KAZN: variants seen among roughly 807,000 people sequenced by gnomAD.
KAZN encodes kazrin.
Under a neutral mutation model 87.4 loss-of-function variants are expected in KAZN, and 40 were observed. The observed-to-expected ratio is 0.46, with a 90% confidence interval of 0.36 to 0.60. The LOEUF (loss-of-function observed/expected upper bound fraction) is 0.60. KAZN is among the 20% of genes least tolerant of loss of function. KAZN has a pLI of 0.00. For missense variants in KAZN, 898 were observed against 1,073.9 expected (o/e 0.84, Z 2.29); for synonymous variants, 466 against 458.3 (o/e 1.02, Z -0.22).
intron 1 of KAZN, among the ~76,000 whole-genome samples, chr1:14,851,629 T>C (rs1335663493): frequency 6.6e-6 from 1 of 152,228 alleles, no homozygotes; most frequent in Non-Finnish European, 1.5e-5. Context: ...GTTACCATGC[T>C]GGGGCACCTG....
chr1:14,883,407 G>GAAAGAAAGAAAGAAAGAAAA (rs1653686525), intron 1 of KAZN, among the ~76,000 whole-genome samples: 1 of 142,068 alleles, frequency 7.0e-6, no homozygotes, highest in African/African-American at 2.9e-5. Context: ...AAGAAAGAAA[G>GAAAGAAAGAAAGAAAGAAAA]AAAGAAAGAA....
At chr1:14,670,214 A>G (rs1321000943) in intron 1 of KAZN, among the ~76,000 whole-genome samples, 1 of 149,576 alleles carries the variant, frequency 6.7e-6, no homozygotes, top group Non-Finnish European at 1.5e-5. Flanking sequence ...TTCTCTCCCC[A>G]CAAGATAGTT....
At chr1:14,526,292 C>T (rs1671861032) in intron 2 of KAZN, among the ~76,000 whole-genome samples, 1 of 152,146 alleles carries the variant, frequency 6.6e-6, no homozygotes, top group East Asian at 1.9e-4. Flanking sequence ...TCCAAGGGAA[C>T]AAGGGTGAAA....
intron 4 of KAZN, among the ~76,000 whole-genome samples, chr1:15,055,867 C>T (rs916897322): frequency 6.6e-6 from 1 of 152,334 alleles, no homozygotes; most frequent in Non-Finnish European, 1.5e-5. Flanking sequence ...CACACCTCTC[C>T]GTGCCTTCGC....
At chr1:14,174,524 CT>C (rs1646027585) in intron 1 of KAZN, among the ~76,000 whole-genome samples, 1 of 152,054 alleles carries the variant, frequency 6.6e-6, no homozygotes, top group Admixed American at 6.5e-5. Context: ...TAAACATCTG[CT>C]TATTTGAGCT....
At chr1:14,059,614 AC>A (rs1324875772) in intron 1 of KAZN, among the ~76,000 whole-genome samples, 1 of 152,178 alleles carries the variant, frequency 6.6e-6, no homozygotes, top group Non-Finnish European at 1.5e-5. Flanking sequence ...TTACAGACAC[AC>A]CCAGTAACTA....
At chr1:14,549,232 T>C (rs932351694) in intron 2 of KAZN, among the ~76,000 whole-genome samples, 2 of 152,208 alleles carry the variant, frequency 1.3e-5, no homozygotes, top group Admixed American at 1.3e-4. Flanking sequence ...CAACACCAGC[T>C]GCCTAGCCAT....
chr1:13,921,736 C>T (rs1640075565), intron 1 of KAZN, among the ~76,000 whole-genome samples: 1 of 152,106 alleles, frequency 6.6e-6, no homozygotes, highest in African/African-American at 2.4e-5. Flanking sequence ...TGCCATTCTC[C>T]TGCCTCAGCC....
At chr1:14,980,443 CA>C (rs1188924330) in intron 2 of KAZN, among the ~76,000 whole-genome samples, 1 of 152,136 alleles carries the variant, frequency 6.6e-6, no homozygotes, top group Non-Finnish European at 1.5e-5. Context: ...ATGGCATAGG[CA>C]AAAGTGTGCA....
At chr1:13,990,720 T>G (rs1431955779) in intron 1 of KAZN, among the ~76,000 whole-genome samples, 4 of 152,214 alleles carry the variant, frequency 2.6e-5, no homozygotes, top group Non-Finnish European at 5.9e-5. Flanking sequence ...TAATCATAAG[T>G]ACACTGTGGC....
chr1:14,159,577 G>C (rs991635971), intron 1 of KAZN, among the ~76,000 whole-genome samples: 1 of 152,206 alleles, frequency 6.6e-6, no homozygotes, highest in Non-Finnish European at 1.5e-5. Context: ...GGGTCACCAA[G>C]AGCCTACTTG....
At chr1:14,401,182 C>T (rs1385515218) in intron 2 of KAZN, among the ~76,000 whole-genome samples, 3 of 152,004 alleles carry the variant, frequency 2.0e-5, no homozygotes, top group African/African-American at 4.8e-5. Flanking sequence ...TTCCCAGACA[C>T]CTGAGAATTT....
At chr1:14,973,585 G>C (rs202197860) in intron 2 of KAZN, among the ~76,000 whole-genome samples, 27 of 152,150 alleles carry the variant, frequency 1.8e-4, no homozygotes, top group African/African-American at 5.8e-4. Context: ...GGAAGGGGAA[G>C]GGGTGTCTGT....
intron 1 of KAZN, among the ~76,000 whole-genome samples, chr1:14,913,870 G>C (rs1359828190): frequency 6.6e-6 from 1 of 152,240 alleles, no homozygotes; most frequent in Non-Finnish European, 1.5e-5. Flanking sequence ...AGGCCTCCTG[G>C]AGCCCAGGCA....
chr1:14,849,918 G>C (rs569245947), intron 1 of KAZN, among the ~76,000 whole-genome samples: 1 of 151,374 alleles, frequency 6.6e-6, no homozygotes, highest in Non-Finnish European at 1.5e-5. Flanking sequence ...AAAGGCACTT[G>C]GGTAGATTTT....
chr1:14,509,879 C>T (rs1263487140), intron 2 of KAZN, among the ~76,000 whole-genome samples: 1 of 152,184 alleles, frequency 6.6e-6, no homozygotes, highest in African/African-American at 2.4e-5. Context: ...GATATTTGAA[C>T]AGAGACCTGA....
chr1:15,004,736 A>G (rs1281195557), intron 2 of KAZN, among the ~76,000 whole-genome samples: 1 of 152,084 alleles, frequency 6.6e-6, no homozygotes, highest in Non-Finnish European at 1.5e-5. Context: ...CTCCACCCCT[A>G]GCATTAAATG....
chr1:15,055,553 A>G (rs1019320756), intron 4 of KAZN, among the ~76,000 whole-genome samples: 3 of 152,240 alleles, frequency 2.0e-5, no homozygotes, highest in Admixed American at 6.5e-5. Context: ...CCCCCAGGTT[A>G]GCTCTCGGGT....
intron 2 of KAZN, among the ~76,000 whole-genome samples, chr1:14,980,475 C>T (rs1213308119): frequency 1.3e-5 from 2 of 152,132 alleles, no homozygotes; most frequent in Non-Finnish European, 2.9e-5. Context: ...TCGTGCTACG[C>T]GCAGGTGACC....
Sources: gnomAD v4.1 joint callset for allele counts (sites outside exome capture counted in the v4.1 genomes callset) on GRCh38, gnomAD v4.1.1 for gene constraint, MANE v1.5 for transcripts, NCBI Gene and HGNC (gene_info 2026-07-23, HGNC 2026-07-21) for gene names.